The following AJAP1 variants were observed in gnomAD, a reference collection of about 807,000 sequenced individuals.
AJAP1 encodes adherens junction-associated protein 1.
A neutral mutation model predicts 35.0 loss-of-function variants in AJAP1; 5 were observed. That is an observed-to-expected ratio of 0.14 (90% CI 0.07 to 0.30). The LOEUF (loss-of-function observed/expected upper bound fraction) is 0.30. Among genes scored for constraint, AJAP1 ranks in the 10% least tolerant of loss-of-function variants. AJAP1 has a pLI of 1.00. For missense variants in AJAP1, 586 were observed against 571.0 expected (o/e 1.03, Z -0.27); for synonymous variants, 284 against 249.3 (o/e 1.14, Z -1.31).
chr1:4,743,468 A>G (rs1035344659), intron 2 of AJAP1, among the ~76,000 whole-genome samples: 29 of 152,270 alleles, frequency 1.9e-4, no homozygotes, highest in Admixed American at 1.6e-3. Context: ...CAGGAAGTGC[A>G]GCTGCCACCC....
At chr1:4,770,016 C>T in intron 3 of AJAP1, 76 bp downstream of exon 3, 1 of 1,305,892 alleles carries the variant, frequency 7.7e-7, no homozygotes, top group Admixed American at 1.7e-5. Flanking sequence ...CAGAAAGGCC[C>T]CTACTTTTCA....
chr1:4,743,774 G>A (rs393976), intron 2 of AJAP1, among the ~76,000 whole-genome samples: 85,910 of 152,058 alleles, frequency 0.56, 25,046 homozygotes, highest in African/African-American at 0.6. Flanking sequence ...CATCTATGGG[G>A]GGTCTCGCCG....
At chr1:4,690,595 G>A (rs1639717086) in intron 1 of AJAP1, among the ~76,000 whole-genome samples, 1 of 152,166 alleles carries the variant, frequency 6.6e-6, no homozygotes, top group African/African-American at 2.4e-5. Flanking sequence ...ACTTTTATTG[G>A]GTGTCACTGT....
intron 1 of AJAP1, among the ~76,000 whole-genome samples, chr1:4,664,947 G>C (rs1639083588): frequency 6.6e-6 from 1 of 152,160 alleles, no homozygotes; most frequent in African/African-American, 2.4e-5. Context: ...TATTTGGCGT[G>C]TTAGCAAGGA....
chr1:4,728,489 T>G lies in AJAP1; in HGVS notation c.829+15790T>G, dbSNP rs142784820. ...TGGGGTTTGGCATCTGAGTGACACC[T>G]GCTCCCAGTGGCTGCCCCGATGCTG... On this transcript the variant is annotated intron_variant, in intron 2 of 5. Transcript: ENST00000378191. Among the ~76,000 whole-genome samples, 151 of 152,314 alleles carry G rather than the reference T, an allele frequency of 9.9e-4. 1 individual carries two copies. Among genetic ancestry groups the G allele is most frequent in the African/African-American group, 2.4e-3 (100 of 41,580 alleles).
rs111488870 is a variant in AJAP1, at chr1:4,703,313, GC to G, written c.30-8585del. On this transcript the variant is annotated intron_variant, in intron 1 of 5. Coordinates refer to ENST00000378191, the MANE Select transcript of AJAP1 (RefSeq NM_018836.4). ...GGCTGGGGACTGAGACTGGGGGATG[GC>G]CATGTCCCCTGAGTAGAGGGGGTTG... is the stretch of plus-strand genomic sequence containing the variant. Among the ~76,000 whole-genome samples, 15 of 152,268 alleles carry G rather than the reference GC, an allele frequency of 9.9e-5. 1 individual carries two copies. The highest frequency in any genetic ancestry group is 3.6e-4 in the African/African-American group (15 of 41,554).
At chr1:4,759,665 T>C (rs1292489427) in intron 2 of AJAP1, among the ~76,000 whole-genome samples, 13 of 152,192 alleles carry the variant, frequency 8.5e-5, no homozygotes, top group Admixed American at 8.5e-4. Flanking sequence ...GTCTGCTGAA[T>C]GGAAACTGAA....
chr1:4,705,395 C>CT (rs58022692), intron 1 of AJAP1, among the ~76,000 whole-genome samples: 2,298 of 23,778 alleles, frequency 0.097, 712 homozygotes, highest in Non-Finnish European at 0.12. Context: ...TTTTGAAGAG[C>CT]TTTTTTTTTT....
chr1:4,774,294 G>A, intron 4 of AJAP1, 133 bp from the exon 5 acceptor site: 3 of 767,068 alleles, frequency 3.9e-6, no homozygotes, highest in South Asian at 3.3e-5. Flanking sequence ...TCCCTTCCTG[G>A]CAAGGCCAGG....
In AJAP1 at chr1:4,712,320, C is replaced by G. The variant is rs202046496; in HGVS notation, c.450C>G (p.Ala150=). The G allele has an allele frequency of 1.4e-4, 213 of 1,487,094 alleles. No homozygotes were observed. The East Asian group carries it at 4.8e-3, about 33-fold the overall frequency. The allele number at this position is 1,487,094 out of a possible 1,614,324, so 92.1% of individuals were successfully genotyped here. A position where few individuals can be genotyped will look rare whatever the true frequency, so the allele number is the denominator to read the frequency against. The part of the protein sequence containing the change: ...AVAGGAPEQQ[A]LLRRGKRHLQ... ...CCGGTGGGGCCCCGGAGCAGCAGGC[C>G]CTCCTGAGGAGGGGCAAGAGGCACC... The change falls in exon 2 of 6, where the codon GCC becomes GCG. Residue 150 remains alanine (A), a synonymous_variant. Transcript: ENST00000378191.
rs1640349333 is a variant in AJAP1, at chr1:4,714,750, GC to G, written c.829+2053del. The stretch of plus-strand genomic sequence containing the variant: ...TGTTAATTCTGGAACGCAATGCTGG[GC>G]CACAGGGAAGGGAACAGGTGGTTTA... On this transcript the variant is annotated intron_variant, in intron 2 of 5. Transcript: ENST00000378191. 5.9e-5 allele frequency among the ~76,000 whole-genome samples: 9 copies of G among 152,302 alleles called. No individual in the cohort carries two copies. In the South Asian group the frequency reaches 1.9e-3, roughly 32 times the overall value.
At chr1:4,729,555 C>T (rs1640751260) in intron 2 of AJAP1, among the ~76,000 whole-genome samples, 1 of 59,130 alleles carries the variant, frequency 1.7e-5, no homozygotes, top group Admixed American at 2.3e-4. Context: ...AGGGCAGCAG[C>T]AGGGCTGGTT....
In AJAP1 at chr1:4,711,987, C is replaced by G. The variant is rs372616300; in HGVS notation, c.117C>G (p.Pro39=). The change falls in exon 2 of 6, where the codon CCC becomes CCG. Residue 39 remains proline, a synonymous_variant. Transcript: ENST00000378191. ...TGTTTCAGCTCGCCGTGGACCTGCCCGCCTGTGAGGCCCTGGGCCCGGGGC... is the reference window on the plus strand; with the variant it reads ...TGTTTCAGCTCGCCGTGGACCTGCCGGCCTGTGAGGCCCTGGGCCCGGGGC... ...IAMFQLAVDL[P]ACEALGPGPE... 2 of 1,593,102 alleles carry G rather than the reference C, an allele frequency of 1.3e-6. No individual in the cohort carries two copies. The highest frequency in any genetic ancestry group is 1.1e-5 in the South Asian group (1 of 88,092).
chr1:4,721,607 C>A (rs1640517797), intron 2 of AJAP1, among the ~76,000 whole-genome samples: 1 of 152,158 alleles, frequency 6.6e-6, no homozygotes, highest in African/African-American at 2.4e-5. Flanking sequence ...GTCACTTATT[C>A]CCACCTCTGC....
In AJAP1 at chr1:4,772,309, A is replaced by C. The variant is rs775523276; in HGVS notation, c.947A>C (p.Asn316Thr). ...CCAQSGNTRR[N>T]SHQRKTNQQE... Reference sequence around the variant, plus strand: ...GCCCAAAGCGGGAACACTCGTCGGAACAGCCACCAGCGGAAGACCAACCAG... The same window carrying C: ...GCCCAAAGCGGGAACACTCGTCGGACCAGCCACCAGCGGAAGACCAACCAG... Residue 316 changes from asparagine to threonine, a missense_variant, in exon 4 of 6, where the codon AAC (asparagine) becomes ACC (threonine). By Grantham distance (65) the Asn-to-Thr change is moderately conservative. Coordinates refer to ENST00000378191, the MANE Select transcript of AJAP1 (RefSeq NM_018836.4). The C allele has an allele frequency of 6.2e-7, 1 of 1,614,060 alleles. No individual in the cohort carries two copies. Among genetic ancestry groups the C allele is most frequent in the Non-Finnish European group, 8.5e-7 (1 of 1,180,026 alleles).
At chr1:4,781,795 G>A (rs894541354) in intron 5 of AJAP1, among the ~76,000 whole-genome samples, 2 of 152,224 alleles carry the variant, frequency 1.3e-5, no homozygotes, top group Non-Finnish European at 2.9e-5. Context: ...GACCGTCTGA[G>A]GGATGCTGAC....
At chr1:4,698,876 C>T (rs1043767259) in intron 1 of AJAP1, among the ~76,000 whole-genome samples, 4 of 152,208 alleles carry the variant, frequency 2.6e-5, no homozygotes, top group African/African-American at 9.6e-5. Flanking sequence ...AAGCCCTTGG[C>T]TGCAGCTTGT....
At chr1:4,694,982 A>G (rs1233840915) in intron 1 of AJAP1, among the ~76,000 whole-genome samples, 1 of 152,150 alleles carries the variant, frequency 6.6e-6, no homozygotes, top group Non-Finnish European at 1.5e-5. Context: ...AGATGGGACC[A>G]TGGCTTGAGA....
At chr1:4,761,069 A>T (rs567760950) in intron 2 of AJAP1, among the ~76,000 whole-genome samples, 1 of 152,292 alleles carries the variant, frequency 6.6e-6, no homozygotes, top group Non-Finnish European at 1.5e-5. Context: ...CTTGACCCTA[A>T]CTGAACCCCC....
Sources: allele counts gnomAD v4.1 joint callset (sites outside exome capture counted in the v4.1 genomes callset), GRCh38; gene constraint gnomAD v4.1.1; transcripts MANE v1.5; gene names NCBI Gene and HGNC (gene_info 2026-07-23, HGNC 2026-07-21).